The following SGCD variants were observed in gnomAD, a reference collection of about 807,000 sequenced individuals.
The protein encoded by SGCD is sarcoglycan delta.
Under a neutral mutation model 36.6 loss-of-function variants are expected in SGCD, and 18 were observed. The observed-to-expected ratio is 0.49, with a 90% confidence interval of 0.34 to 0.73. The LOEUF is 0.73. SGCD is among the 30% of genes least tolerant of loss of function. SGCD has a pLI of 0.01. For missense variants in SGCD, 387 were observed against 346.7 expected, an observed-to-expected ratio of 1.12 and a Z score of -0.92; for synonymous variants, 133 against 130.6, an observed-to-expected ratio of 1.02 and a Z score of -0.12.
intron 3 of SGCD, among the ~76,000 whole-genome samples, chr5:156,357,661 C>T (rs1198046703): frequency 6.6e-6 from 1 of 152,148 alleles, no homozygotes; most frequent in African/African-American, 2.4e-5. Context: ...GTGCTTCACT[C>T]AGTTACATGT....
At chr5:155,857,805 C>T in the SGCD span, among the ~76,000 whole-genome samples, 1 of 152,092 alleles carries the variant, frequency 6.6e-6, no homozygotes, top group African/African-American at 2.4e-5. Flanking sequence ...TTTCAATGGG[C>T]AGCATGTACT....
intron 4 of SGCD, among the ~76,000 whole-genome samples, chr5:156,537,500 C>CACAG (rs1443483197): frequency 6.8e-6 from 1 of 146,596 alleles, no homozygotes; most frequent in Non-Finnish European, 1.5e-5. Context: ...CACACACACA[C>CACAG]ACACACAGGT....
chr5:155,752,952 A>T, the SGCD span, among the ~76,000 whole-genome samples: 1 of 152,156 alleles, frequency 6.6e-6, no homozygotes, highest in South Asian at 2.1e-4. Context: ...TATGATTTGC[A>T]TGCAGGTTTA....
At chr5:156,570,829 G>T (rs1395746973) in intron 4 of SGCD, among the ~76,000 whole-genome samples, 2 of 152,118 alleles carry the variant, frequency 1.3e-5, no homozygotes, top group African/African-American at 4.8e-5. Context: ...GCCCCAGTGG[G>T]TGGTGTTCCC....
intron 2 of SGCD, among the ~76,000 whole-genome samples, chr5:156,339,774 G>A (rs1256287838): frequency 6.6e-6 from 1 of 152,034 alleles, no homozygotes; most frequent in Non-Finnish European, 1.5e-5. Context: ...ATACAAACAA[G>A]TTAACAACAT....
chr5:156,036,291 C>T (rs977911548), intron 1 of SGCD, among the ~76,000 whole-genome samples: 9 of 152,148 alleles, frequency 5.9e-5, no homozygotes, highest in African/African-American at 2.2e-4. Context: ...ATCCAAACTC[C>T]TCAGTGGCTT....
chr5:155,882,848 T>C (rs1047412590), intron 1 of SGCD, among the ~76,000 whole-genome samples: 2 of 152,216 alleles, frequency 1.3e-5, no homozygotes, highest in African/African-American at 4.8e-5. Flanking sequence ...GGAGTCAGCC[T>C]GCCCTTTGAA....
chr5:156,432,738 A>G (rs1753077160), intron 3 of SGCD, among the ~76,000 whole-genome samples: 1 of 152,118 alleles, frequency 6.6e-6, no homozygotes, highest in Non-Finnish European at 1.5e-5. Flanking sequence ...TCACAAGGGG[A>G]GTAGTGAGTA....
At chr5:156,223,431 T>C (rs1581177887) in intron 3 of SGCD, among the ~76,000 whole-genome samples, 1 of 152,226 alleles carries the variant, frequency 6.6e-6, no homozygotes, top group African/African-American at 2.4e-5. Flanking sequence ...GTAAGCAAGC[T>C]GAGTTAACTG....
At chr5:156,724,676 T>C (rs1755685078) in intron 7 of SGCD, among the ~76,000 whole-genome samples, 1 of 152,134 alleles carries the variant, frequency 6.6e-6, no homozygotes, top group African/African-American at 2.4e-5. Flanking sequence ...AGACTTATTA[T>C]GGTGGTTGTT....
intron 3 of SGCD, among the ~76,000 whole-genome samples, chr5:156,238,731 C>T (rs557405995): frequency 2.6e-5 from 4 of 152,288 alleles, no homozygotes; most frequent in Admixed American, 1.3e-4. Context: ...TCCCCAGGAC[C>T]ACAGAGTGCC....
chr5:156,749,115 T>C (rs921357324), intron 7 of SGCD, among the ~76,000 whole-genome samples: 4 of 152,068 alleles, frequency 2.6e-5, no homozygotes, highest in African/African-American at 4.8e-5. Context: ...TATTATAAGA[T>C]TGTCAGTTCA....
chr5:156,539,749 G>T (rs913712227), intron 4 of SGCD, among the ~76,000 whole-genome samples: 1 of 152,050 alleles, frequency 6.6e-6, no homozygotes, highest in Non-Finnish European at 1.5e-5. Context: ...TTCATATAAT[G>T]ATTTCTTTTC....
intron 1 of SGCD, among the ~76,000 whole-genome samples, chr5:155,887,919 A>C (rs1020365638): frequency 6.6e-6 from 1 of 152,234 alleles, no homozygotes; most frequent in African/African-American, 2.4e-5. Flanking sequence ...TAGCTTATTT[A>C]ATCCTCTCTT....
intron 1 of SGCD, among the ~76,000 whole-genome samples, chr5:155,906,684 G>A (rs1756518513): frequency 6.6e-6 from 1 of 152,224 alleles, no homozygotes; most frequent in Admixed American, 6.6e-5. Context: ...GACGAGAGAG[G>A]TAAGGAAGCT....
In SGCD at chr5:156,404,473, C is replaced by T. The variant is rs559984471; in HGVS notation, c.192+59796C>T. Among the ~76,000 whole-genome samples, 6 of 152,298 alleles carry T rather than the reference C, an allele frequency of 3.9e-5. No individual in the cohort carries two copies. In the South Asian group the frequency reaches 1.2e-3, roughly 32 times the overall value. The stretch of plus-strand genomic sequence containing the variant: ...TATCTTTCTTCCTAAGTCAGTGTTT[C>T]TCTTCTGAATCACCGTGAGGGCTCC... On this transcript the variant is annotated intron_variant, in intron 3 of 8. Coordinates refer to ENST00000337851, the MANE Select transcript of SGCD (RefSeq NM_000337.6).
chr5:156,087,544 G>A (rs1198904446), intron 1 of SGCD, among the ~76,000 whole-genome samples: 2 of 151,446 alleles, frequency 1.3e-5, no homozygotes, highest in Non-Finnish European at 2.9e-5. Context: ...GGAGGCTGTG[G>A]CAGGAGAATC....
chr5:156,746,112 G>A (rs187321026), intron 7 of SGCD, among the ~76,000 whole-genome samples: 3 of 151,530 alleles, frequency 2.0e-5, no homozygotes, highest in East Asian at 3.9e-4. Context: ...TAGACCATCA[G>A]AGATAAAAAA....
chr5:156,634,215 A>G (rs996532687), intron 6 of SGCD, among the ~76,000 whole-genome samples: 4 of 141,312 alleles, frequency 2.8e-5, no homozygotes, highest in African/African-American at 7.7e-5. Flanking sequence ...TTTTGACCCA[A>G]TGAGTACCTT....
Sources: allele counts gnomAD v4.1 joint callset (sites outside exome capture counted in the v4.1 genomes callset), GRCh38; gene constraint gnomAD v4.1.1; transcripts MANE v1.5; gene names NCBI Gene and HGNC (gene_info 2026-07-23, HGNC 2026-07-21).